HGFAC: variants seen among roughly 807,000 people sequenced by gnomAD.
HGFAC encodes hepatocyte growth factor activator serine protease.
Under a neutral mutation model 70.6 loss-of-function variants are expected in HGFAC, and 76 were observed. That is an observed-to-expected ratio of 1.08 (90% CI 0.89 to 1.30). The LOEUF is 1.30. Among genes scored for constraint, HGFAC ranks in the 50% most tolerant of loss-of-function variants. The pLI is 0.00. For missense variants in HGFAC, 1,044 were observed against 933.7 expected (o/e 1.12, Z -1.54); for synonymous variants, 464 against 405.3 (o/e 1.14, Z -1.74).
intron 9 of HGFAC, 81 bp downstream of exon 9, chr4:3,445,431 C>A: frequency 1.1e-6 from 1 of 943,288 alleles, no homozygotes; most frequent in Non-Finnish European, 1.7e-6. Context: ...AGCCCCTCCG[C>A]ACACCTGGCT....
At chr4:3,441,797 C>CAG, upstream of HGFAC, 1 of 502,758 alleles carries the variant, frequency 2.0e-6, no homozygotes. The surrounding 1 kb of genome is among the most constrained non-coding windows in gnomAD (Gnocchi z 6.0). Flanking sequence ...AGGCCGAGGC[C>CAG]AGAGAGACAG....
chr4:3,447,534 C>A lies in HGFAC; in HGVS notation c.1398C>A (p.Phe466Leu). ...DSVSVVLGQH[F>L]FNRTTDVTQT... ...TCTCCGTGGTGCTGGGCCAGCACTT[C>A]TTCAACCGCACGACGGACGTGACGC... The change falls in exon 11 of 14, where the codon TTC becomes TTA. Residue 466 changes from phenylalanine to leucine, a missense_variant. Coordinates refer to ENST00000382774, the MANE Select transcript of HGFAC (RefSeq NM_001528.4). The A allele has an allele frequency of 6.2e-7, 1 of 1,612,704 alleles. No individual in the cohort carries two copies. Among genetic ancestry groups the A allele is most frequent in the Non-Finnish European group, 8.5e-7 (1 of 1,179,916 alleles).
intron 4 of HGFAC, 35 bp from the exon 5 acceptor site, chr4:3,444,004 G>T: frequency 6.5e-7 from 1 of 1,543,516 alleles, no homozygotes; most frequent in East Asian, 2.3e-5. Flanking sequence ...GAGCCTCCCA[G>T]TCCGCCCCTC....
In HGFAC at chr4:3,445,350, G is replaced by A. The variant is rs758718996; in HGVS notation, c.1102G>A (p.Glu368Lys). 7.7e-6 allele frequency: 12 copies of A among 1,567,782 alleles called. 1 individual carries two copies. Among genetic ancestry groups the A allele is most frequent in the East Asian group, 4.8e-5 (2 of 42,048 alleles). Residue 368 changes from glutamate to lysine, a missense_variant and splice_region_variant, in exon 9 of 14, where the codon GAA (glutamate) becomes AAA (lysine). Glu to Lys is a moderately conservative substitution (Grantham distance 56). Transcript: ENST00000382774. ...SWEYCRLEAC[E>K]SLTRVQLSPD... ...GGAGTACTGCCGCCTGGAGGCCTGC[G>A]GTGCGCGGCTGGCGGGGGGTGCTGC...
At chr4:3,448,432 G>A (rs957599598) in intron 13 of HGFAC, among the ~76,000 whole-genome samples, 156 bp downstream of exon 13, 1 of 152,086 alleles carries the variant, frequency 6.6e-6, no homozygotes, top group African/African-American at 2.4e-5. Flanking sequence ...ACTTACTGTC[G>A]GTGGCCAGCA....
intron 1 of HGFAC, among the ~76,000 whole-genome samples, chr4:3,442,520 C>T (rs914012352): frequency 5.3e-5 from 8 of 152,052 alleles, no homozygotes; most frequent in African/African-American, 1.9e-4. Context: ...TGGGCCTGGG[C>T]AGTGACCCTG....
rs1725559638 is a variant in HGFAC, at chr4:3,447,593, C to T, written c.1457C>T (p.Thr486Ile). ...GGCATCGAGAAGTACATCCCGTACA[C>T]CCTGTACTCGGTGTTCAACCCCAGC... ...TFGIEKYIPY[T>I]LYSVFNPSDH... is the part of the protein sequence containing the mutation. Residue 486 changes from threonine to isoleucine, a missense_variant, in exon 11 of 14, where the codon ACC (threonine) becomes ATC (isoleucine). Thr to Ile is a moderately conservative substitution (Grantham distance 89). Transcript: ENST00000382774. 1 of 1,612,688 alleles carries T rather than the reference C, an allele frequency of 6.2e-7. No individual in the cohort carries two copies. Among genetic ancestry groups the T allele is most frequent in the Non-Finnish European group, 8.5e-7 (1 of 1,179,892 alleles).
In HGFAC at chr4:3,448,427, C is replaced by T. The variant is rs1160091335; in HGVS notation, c.1785+151C>T. ...GACCCCTGGGCAGGGAGCACACTTA[C>T]TGTCGGTGGCCAGCACCCCAGGGCC... is the stretch of plus-strand genomic sequence containing the variant. On this transcript the variant is annotated intron_variant, in intron 13 of 13. Transcript: ENST00000382774. 6 of 962,672 alleles carry T rather than the reference C, an allele frequency of 6.2e-6. No individual in the cohort carries two copies. The African/African-American group carries it at 9.9e-5, about 16-fold the overall frequency. 59.6% of individuals were successfully genotyped at this position (962,672 alleles called of 1,614,324 possible). A position where few individuals can be genotyped will look rare whatever the true frequency, so the allele number is the denominator to read the frequency against.
In HGFAC at chr4:3,448,282, C is replaced by T. The variant is rs1488099630; in HGVS notation, c.1785+6C>T. Reference sequence around the variant, plus strand: ...GCAAGTCCGACGCCTGCCAGGTGAGCTGGTGCCCGCCCCACCAGGACCCGA... The same window carrying T: ...GCAAGTCCGACGCCTGCCAGGTGAGTTGGTGCCCGCCCCACCAGGACCCGA... On this transcript the variant is annotated splice_donor_region_variant and intron_variant, in intron 13 of 13. Transcript: ENST00000382774. 3.1e-6 allele frequency: 5 copies of T among 1,607,862 alleles called. No homozygotes were observed. Among genetic ancestry groups the T allele is most frequent in the Non-Finnish European group, 4.2e-6 (5 of 1,179,280 alleles).
chr4:3,443,290 G>A (rs1366770998), intron 3 of HGFAC, 51 bp from the exon 4 acceptor site: 11 of 1,471,462 alleles, frequency 7.5e-6, no homozygotes, highest in Non-Finnish European at 1.0e-5. Flanking sequence ...GGTGGGGTGG[G>A]GTGGGGGGCC....
intron 6 of HGFAC, 49 bp from the exon 7 acceptor site, chr4:3,444,574 C>G (rs199580947): frequency 1.6e-5 from 25 of 1,527,964 alleles, no homozygotes; most frequent in Middle Eastern, 2.1e-4. Context: ...ACTCCGCTGT[C>G]GTGGGGCACT....
upstream of HGFAC, chr4:3,441,876 C>A (rs1725325308): frequency 3.6e-6 from 2 of 549,276 alleles, no homozygotes. The surrounding 1 kb of genome is among the most constrained non-coding windows in gnomAD (Gnocchi z 6.0). Context: ...CGGGGACTTC[C>A]TCTCCGGCTG....
At position 3,449,322 on chromosome 4, in the gene HGFAC, G is replaced by A. The variant is rs370525194; in HGVS notation, c.1871G>A (p.Arg624Gln). The stretch of plus-strand genomic sequence containing the variant: ...ATCAGCTGGGGTGACGGCTGCGGGC[G>A]GCTCCACAAGCCGGGGGTCTACACC... The part of the protein sequence containing the change: ...GIISWGDGCG[R>Q]LHKPGVYTRV... The change falls in exon 14 of 14, where the codon CGG (arginine) becomes CAG (glutamine). Residue 624 changes from arginine (R) to glutamine (Q), a missense_variant. Arg to Gln is a conservative substitution (Grantham distance 43). Transcript: ENST00000382774. 140 of 1,611,886 alleles carry A rather than the reference G, an allele frequency of 8.7e-5. No homozygotes were observed. The highest frequency in any genetic ancestry group is 1.6e-4 in the Middle Eastern group (1 of 6,074).
Position 3,443,164 on chromosome 4 carries a change from G to A in HGFAC, c.395+18G>A. On this transcript the variant is annotated intron_variant, in intron 3 of 13. Transcript: ENST00000382774. Reference sequence around the variant, plus strand: ...AGGAAGTGGTGGGTCCGGGCAGCCGGGGCACCCGAGCTGGGGTCACCTGCC... The same window carrying A: ...AGGAAGTGGTGGGTCCGGGCAGCCGAGGCACCCGAGCTGGGGTCACCTGCC... 1.3e-6 allele frequency: 2 copies of A among 1,493,796 alleles called. No individual in the cohort carries two copies. The highest frequency in any genetic ancestry group is 8.9e-7 in the Non-Finnish European group (1 of 1,118,386). The allele number at this position is 1,493,796 out of a possible 1,614,324, so 92.5% of individuals were successfully genotyped here. A position where few individuals can be genotyped will look rare whatever the true frequency, so the allele number is the denominator to read the frequency against.
In HGFAC at chr4:3,448,208, T is replaced by C; in HGVS notation, c.1717T>C (p.Tyr573His). ...CCACAAGTGCAGCAGCCCTGAGGTC[T>C]ACGGCGCCGACATCAGCCCCAACAT... ...ADHKCSSPEV[Y>H]GADISPNMLC... The change falls in exon 13 of 14, where the codon TAC becomes CAC. Residue 573 changes from tyrosine (Y) to histidine (H), a missense_variant. Tyr to His is a moderately conservative substitution (Grantham distance 83). Coordinates refer to ENST00000382774, the MANE Select transcript of HGFAC (RefSeq NM_001528.4). The C allele has an allele frequency of 6.2e-7, 1 of 1,607,408 alleles. No individual in the cohort carries two copies. Among genetic ancestry groups the C allele is most frequent in the Non-Finnish European group, 8.5e-7 (1 of 1,178,398 alleles).
chr4:3,445,419 C>A, intron 9 of HGFAC, 69 bp downstream of exon 9: 1 of 1,088,050 alleles, frequency 9.2e-7, no homozygotes, highest in Non-Finnish European at 1.4e-6. Context: ...CGTGATCCTC[C>A]TAGCCCCTCC....
In HGFAC at chr4:3,449,326, C is replaced by T. The variant is rs761836871; in HGVS notation, c.1875C>T (p.Leu625=). 3 of 1,611,974 alleles carry T rather than the reference C, an allele frequency of 1.9e-6. No homozygotes were observed. The highest frequency in any genetic ancestry group is 2.7e-5 in the African/African-American group (2 of 74,848). ...GCTGGGGTGACGGCTGCGGGCGGCT[C>T]CACAAGCCGGGGGTCTACACCCGCG... ...IISWGDGCGR[L]HKPGVYTRVA... The change falls in exon 14 of 14, where the codon CTC becomes CTT. Residue 625 remains leucine, a synonymous_variant. Transcript: ENST00000382774.
intron 6 of HGFAC, 40 bp downstream of exon 6, chr4:3,444,482 G>C: frequency 6.4e-7 from 1 of 1,551,228 alleles, no homozygotes. Context: ...GACCCCTGAC[G>C]GGTGTCCCTG....
At position 3,444,696 on chromosome 4, in the gene HGFAC, C is replaced by T. The variant is rs150907346; in HGVS notation, c.804C>T (p.Ala268=). 1.2e-4 allele frequency: 190 copies of T among 1,597,392 alleles called. No homozygotes were observed. Among genetic ancestry groups the T allele is most frequent in the Non-Finnish European group, 1.6e-4 (183 of 1,178,460 alleles). The change falls in exon 7 of 14, where the codon GCC becomes GCT. Residue 268 remains alanine (A), a synonymous_variant. Coordinates refer to ENST00000382774, the MANE Select transcript of HGFAC (RefSeq NM_001528.4). ...TGGCCACCGGGACCACCGTGTGTGC[C>T]TGCCCACCAGGCTTCGCTGGACGGC... is the stretch of plus-strand genomic sequence containing the variant. ...LIVATGTTVC[A]CPPGFAGRLC...
Sources: gnomAD v4.1 joint callset for allele counts (sites outside exome capture counted in the v4.1 genomes callset) on GRCh38, gnomAD v4.1.1 for gene constraint, Gnocchi (gnomAD v3.1) non-coding constraint, MANE v1.5 for transcripts, NCBI Gene and HGNC (gene_info 2026-07-23, HGNC 2026-07-21) for gene names.